The following CYP7B1 variants were observed in gnomAD, a reference collection of about 807,000 sequenced individuals.
The protein encoded by CYP7B1 is cytochrome P450 family 7 subfamily B member 1, also known as cytochrome P450 7B1.
Under a neutral mutation model 42.7 loss-of-function variants are expected in CYP7B1, and 29 were observed. The observed-to-expected ratio is 0.68, with a 90% CI of 0.51 to 0.93. The LOEUF (loss-of-function observed/expected upper bound fraction) is 0.93, where lower values mean the gene tolerates loss of function less well. Among genes scored for constraint, CYP7B1 ranks in the 40% least tolerant of loss-of-function variants. The pLI is 0.00. For missense variants in CYP7B1, 655 were observed against 600.5 expected (o/e 1.09, Z -0.95); for synonymous variants, 235 against 218.2 (o/e 1.08, Z -0.68).
intron 1 of CYP7B1, among the ~76,000 whole-genome samples, chr8:64,641,069 T>C (rs911406118): frequency 2.6e-5 from 4 of 152,148 alleles, no homozygotes; most frequent in Admixed American, 2.0e-4. Flanking sequence ...TAAACTATAG[T>C]GCAATAAACT....
At chr8:64,763,940 C>T (rs1807928770) in intron 1 of CYP7B1, among the ~76,000 whole-genome samples, 1 of 152,220 alleles carries the variant, frequency 6.6e-6, no homozygotes, top group Non-Finnish European at 1.5e-5. Context: ...CCGATCCCTG[C>T]CTCCTAGGTA....
At chr8:64,723,469 A>T (rs988171712) in intron 1 of CYP7B1, among the ~76,000 whole-genome samples, 52 of 152,372 alleles carry the variant, frequency 3.4e-4, no homozygotes, top group African/African-American at 1.2e-3. Flanking sequence ...AGGGAAATTC[A>T]CAAGTAAGCA....
chr8:64,596,808 C>A lies in CYP7B1; in HGVS notation c.1355G>T (p.Arg452Leu). 6.2e-7 allele frequency: 1 copy of A among 1,614,036 alleles called. No individual in the cohort carries two copies. Among genetic ancestry groups the A allele is most frequent in the Non-Finnish European group, 8.5e-7 (1 of 1,179,982 alleles). The part of the protein sequence containing the change: ...FGTGTSKCPG[R>L]FFALMEIKQL... ...TTTTATTTCCATAAGTGCAAAAAAT[C>A]GGCCTGGACATTTGCTGGTTCCAGT... is the stretch of plus-strand genomic sequence containing the variant. Residue 452 changes from arginine to leucine, a missense_variant, in exon 6 of 6, where the codon CGA becomes CTA. Transcript: ENST00000310193.
chr8:64,720,052 T>A (rs561289181), intron 1 of CYP7B1, among the ~76,000 whole-genome samples: 1 of 152,330 alleles, frequency 6.6e-6, no homozygotes, highest in East Asian at 1.9e-4. Context: ...TAATTCGCAA[T>A]GGTGTCCCTT....
At chr8:64,708,734 T>G (rs1458071620) in intron 1 of CYP7B1, among the ~76,000 whole-genome samples, 1 of 152,224 alleles carries the variant, frequency 6.6e-6, no homozygotes, top group African/African-American at 2.4e-5. Context: ...GTGTATATAA[T>G]ACACGCATTT....
chr8:64,740,397 AAAG>A (rs1188390179), intron 1 of CYP7B1, among the ~76,000 whole-genome samples: 8 of 152,066 alleles, frequency 5.3e-5, no homozygotes, highest in African/African-American at 9.6e-5. Flanking sequence ...ATAAATTATA[AAAG>A]AAGATCTATA....
chr8:64,771,146 C>T (rs1050241243), intron 1 of CYP7B1, among the ~76,000 whole-genome samples: 1 of 144,632 alleles, frequency 6.9e-6, no homozygotes, highest in African/African-American at 2.6e-5. Context: ...CTGCAACCTC[C>T]GCCTCCTGGG....
At chr8:64,599,542 G>A (rs1805171087) in intron 5 of CYP7B1, among the ~76,000 whole-genome samples, 2 of 152,186 alleles carry the variant, frequency 1.3e-5, no homozygotes, top group South Asian at 4.1e-4. Flanking sequence ...CACAATTAAA[G>A]AGAGCCAATT....
intron 1 of CYP7B1, among the ~76,000 whole-genome samples, chr8:64,786,441 A>C (rs1804528445): frequency 6.6e-6 from 1 of 152,226 alleles, no homozygotes; most frequent in Non-Finnish European, 1.5e-5. Context: ...ATGCAAGTCC[A>C]AAAACCAATA....
At chr8:64,736,373 G>A (rs1807487807) in intron 1 of CYP7B1, among the ~76,000 whole-genome samples, 1 of 152,048 alleles carries the variant, frequency 6.6e-6, no homozygotes, top group Non-Finnish European at 1.5e-5. Flanking sequence ...AAGAAGGCTG[G>A]GCAAGAGAAA....
At chr8:64,770,345 G>C (rs1202241405) in intron 1 of CYP7B1, among the ~76,000 whole-genome samples, 2 of 152,176 alleles carry the variant, frequency 1.3e-5, no homozygotes, top group Non-Finnish European at 2.9e-5. Context: ...TTTTACAGAT[G>C]GGGACTTTAA....
intron 1 of CYP7B1, among the ~76,000 whole-genome samples, chr8:64,703,129 C>T (rs931796707): frequency 6.6e-6 from 1 of 151,902 alleles, no homozygotes; most frequent in African/African-American, 2.4e-5. Context: ...GTGAAAGGGC[C>T]TTATGAACGG....
At chr8:64,722,176 C>T (rs565474911) in intron 1 of CYP7B1, among the ~76,000 whole-genome samples, 27 of 152,228 alleles carry the variant, frequency 1.8e-4, no homozygotes, top group Admixed American at 1.4e-3. Flanking sequence ...TTGCATCTTA[C>T]GCAGCAAAAC....
rs534007373 is a variant in CYP7B1 at position 64,632,942 on chromosome 8, G to A, written c.123-8403C>T. Among the ~76,000 whole-genome samples the A allele has an allele frequency of 3.9e-5, 6 of 152,190 alleles. No homozygotes were observed. In the South Asian group the frequency reaches 6.2e-4, roughly 16 times the overall value. On this transcript the variant is annotated intron_variant, in intron 1 of 5. Transcript: ENST00000310193. The stretch of plus-strand genomic sequence containing the variant: ...GCCATCGACAGAAAGGAAGGGGGGC[G>A]GGGAGAGAGTCTTAAATTTTATTAA...
At position 64,616,296 on chromosome 8, in the gene CYP7B1, AG is replaced by A. The variant is rs1554524939; in HGVS notation, c.260-16del. The A allele has an allele frequency of 9.3e-5, 135 of 1,447,352 alleles. No individual in the cohort carries two copies. Among genetic ancestry groups the A allele is most frequent in the Non-Finnish European group, 1.1e-4 (119 of 1,047,988 alleles). The allele number at this position is 1,447,352 out of a possible 1,614,324, so 89.7% of individuals were successfully genotyped here. ...TATGTACTTTCCTAGAAAAAAAAAA[AG>A]AGAGAGAAAATATGAGTTCGTTTGT... On this transcript the variant is annotated splice_polypyrimidine_tract_variant and intron_variant, in intron 2 of 5. Transcript: ENST00000310193.
chr8:64,666,678 C>G (rs1298196691), intron 1 of CYP7B1, among the ~76,000 whole-genome samples: 2 of 152,196 alleles, frequency 1.3e-5, no homozygotes, highest in South Asian at 4.1e-4. Context: ...CAGAGCACCA[C>G]ACTGAAGTGA....
At chr8:64,682,206 C>A (rs190556025) in intron 1 of CYP7B1, among the ~76,000 whole-genome samples, 9 of 152,282 alleles carry the variant, frequency 5.9e-5, no homozygotes. Flanking sequence ...AGTAGCTCAA[C>A]ACTGCCAGAG....
intron 1 of CYP7B1, among the ~76,000 whole-genome samples, chr8:64,709,634 T>G (rs1029456877): frequency 2.0e-5 from 3 of 152,174 alleles, no homozygotes; most frequent in Non-Finnish European, 2.9e-5. Context: ...AAGAAAGAAA[T>G]AGTTCTCAAA....
intron 1 of CYP7B1, among the ~76,000 whole-genome samples, chr8:64,652,768 C>T (rs1444753385): frequency 3.9e-5 from 6 of 152,146 alleles, no homozygotes; most frequent in South Asian, 4.2e-4. Context: ...GGCGTGAACC[C>T]GGGAGGCAGA....
Sources: allele counts gnomAD v4.1 joint callset (sites outside exome capture counted in the v4.1 genomes callset), GRCh38; gene constraint gnomAD v4.1.1; transcripts MANE v1.5; gene names NCBI Gene and HGNC (gene_info 2026-07-23, HGNC 2026-07-21).